Variants in CACNA1B observed in about 807,000 individuals in gnomAD.
CACNA1B encodes voltage-dependent N-type calcium channel subunit alpha-1B.
A neutral mutation model predicts 247.2 loss-of-function variants in CACNA1B; 70 were observed. The ratio of observed to expected loss-of-function variants is 0.28; its 90% confidence interval spans 0.23 to 0.35. The LOEUF (loss-of-function observed/expected upper bound fraction) is 0.35, where lower values mean the gene tolerates loss of function less well. Among genes scored for constraint, CACNA1B ranks in the 10% least tolerant of loss-of-function variants. The probability of loss-of-function intolerance (pLI) is 1.00; values close to 1 mark genes in which losing one functional copy is unlikely to be tolerated. For missense variants in CACNA1B, 2,367 were observed against 3,197.4 expected, an observed-to-expected ratio of 0.74 and a Z score of 6.26; for synonymous variants, 1,231 against 1,294.4, an observed-to-expected ratio of 0.95 and a Z score of 1.05.
chr9:137,881,670 A>C lies in CACNA1B; in HGVS notation c.391-1074A>C, dbSNP rs1033825781. Among the ~76,000 whole-genome samples the C allele has an allele frequency of 2.6e-5, 4 of 152,136 alleles. No individual in the cohort carries two copies. The highest frequency in any genetic ancestry group is 5.9e-5 in the Non-Finnish European group (4 of 67,990). ...CCAGCTTCCCGGGCTTGCCTTGCAC[A>C]GGGCCTTTCCCTGCCAGCCCCACGC... On this transcript the variant is annotated intron_variant, in intron 2 of 46. Transcript: ENST00000371372. The surrounding 1 kb of genome is among the most constrained non-coding windows in gnomAD (Gnocchi z 4.3).
In CACNA1B at chr9:138,023,034, C is replaced by G. The variant is rs1209004890; in HGVS notation, c.2291C>G (p.Ala764Gly). The change falls in exon 19 of 47, where the codon GCG becomes GGG. Residue 764 changes from alanine to glycine, a missense_variant. Ala to Gly is a moderately conservative substitution (Grantham distance 60, BLOSUM62 0). This residue lies in a region of CACNA1B where 631 missense variants were observed against 631.1 expected (regional missense o/e 1.00). Coordinates refer to ENST00000371372, the MANE Select transcript of CACNA1B (RefSeq NM_000718.4). ...IAARQQNSAK[A>G]RSVWEQRASQ... ...AGCAGGCAGCAGAACTCGGCCAAGGCGCGCTCGGTGTGGGAGCAGCGGGCC... is the reference window on the plus strand; with the variant it reads ...AGCAGGCAGCAGAACTCGGCCAAGGGGCGCTCGGTGTGGGAGCAGCGGGCC... The G allele has an allele frequency of 5.9e-6, 9 of 1,519,552 alleles. No individual in the cohort carries two copies. Among genetic ancestry groups the G allele is most frequent in the Non-Finnish European group, 7.9e-6 (9 of 1,140,774 alleles). The allele number at this position is 1,519,552 out of a possible 1,614,324, so 94.1% of individuals were successfully genotyped here. A position where few individuals can be genotyped will look rare whatever the true frequency, so the allele number is the denominator to read the frequency against.
chr9:137,998,707 G>C lies in CACNA1B; in HGVS notation c.1975-8060G>C, dbSNP rs146036170. ...TGATGAAAAGAGGACGCCTCCAGAA[G>C]GAAAACACTGCAGGGCATGAACTTG... On this transcript the variant is annotated intron_variant, in intron 15 of 46. Transcript: ENST00000371372. Among the ~76,000 whole-genome samples, 41 of 152,318 alleles carry C rather than the reference G, an allele frequency of 2.7e-4. No homozygotes were observed. In the East Asian group the frequency reaches 7.9e-3, roughly 29 times the overall value.
intron 12 of CACNA1B, among the ~76,000 whole-genome samples, chr9:137,980,160 A>G (rs1958277580): frequency 6.6e-6 from 1 of 152,218 alleles, no homozygotes; most frequent in Admixed American, 6.5e-5. Flanking sequence ...TGATTCTTTC[A>G]GTCCAAGTTG....
chr9:138,043,450 A>G (rs1959152989), intron 20 of CACNA1B, among the ~76,000 whole-genome samples: 1 of 152,092 alleles, frequency 6.6e-6, no homozygotes, highest in African/African-American at 2.4e-5. Context: ...AGGTCTCACC[A>G]GGCTCTGGGC....
At position 137,973,396 on chromosome 9, in the gene CACNA1B, GGGGCTCATC is replaced by G. The variant is rs1395864047; in HGVS notation, c.1543+1806_1543+1814del. ...CCGCCCAGCCTAGAGCAGCTTTGCA[GGGGCTCATC>G]GTGGGTTCTGTGCACCTCGGCTGTC... On this transcript the variant is annotated intron_variant, in intron 11 of 46. Coordinates refer to ENST00000371372, the MANE Select transcript of CACNA1B (RefSeq NM_000718.4). This position sits in a 1 kb window ranked among gnomAD's most constrained non-coding sequence, Gnocchi z 4.1. Among the ~76,000 whole-genome samples the G allele has an allele frequency of 6.6e-6, 1 of 152,200 alleles. No individual in the cohort carries two copies. The highest frequency in any genetic ancestry group is 2.4e-5 in the African/African-American group (1 of 41,446).
chr9:137,886,248 G>T (rs552567835), intron 3 of CACNA1B, among the ~76,000 whole-genome samples: 1 of 151,456 alleles, frequency 6.6e-6, no homozygotes. Flanking sequence ...ACAGGGGTCC[G>T]GTTGTGTCTG....
chr9:138,019,669 C>A (rs1176447172), intron 18 of CACNA1B, among the ~76,000 whole-genome samples: 7 of 152,228 alleles, frequency 4.6e-5, no homozygotes, highest in African/African-American at 1.7e-4. Flanking sequence ...TGCTTCCTTG[C>A]TGGCAGCCAG....
At position 138,096,535 on chromosome 9, in the gene CACNA1B, C is replaced by T. The variant is rs1302004746; in HGVS notation, c.5146C>T (p.Arg1716Trp). The T allele has an allele frequency of 8.7e-6, 14 of 1,611,494 alleles. No individual in the cohort carries two copies. Among genetic ancestry groups the T allele is most frequent in the African/African-American group, 1.3e-5 (1 of 74,738 alleles). ...VIMDNFEYLT[R>W]DSSILGPHHL... ...CATGGACAATTTTGAGTACCTCACGCGGGACTCTTCCATCCTAGGTCCTCA... is the reference window on the plus strand; with the variant it reads ...CATGGACAATTTTGAGTACCTCACGTGGGACTCTTCCATCCTAGGTCCTCA... The change falls in exon 37 of 47, where the codon CGG becomes TGG. Residue 1716 changes from arginine (R) to tryptophan (W), a missense_variant. This residue lies in a region of CACNA1B where 55 missense variants were observed against 107.8 expected (regional missense o/e 0.51). Transcript: ENST00000371372.
intron 18 of CACNA1B, among the ~76,000 whole-genome samples, chr9:138,017,623 T>G (rs1456793444): frequency 1.3e-5 from 2 of 152,194 alleles, no homozygotes; most frequent in Non-Finnish European, 2.9e-5. Context: ...TGGGTCCTCC[T>G]AGGCCCCTTA....
intron 20 of CACNA1B, among the ~76,000 whole-genome samples, chr9:138,041,981 C>T (rs761090441): frequency 1.8e-4 from 28 of 152,070 alleles, no homozygotes; most frequent in Non-Finnish European, 3.1e-4. Flanking sequence ...AGGATGGTCT[C>T]GTTGCTTGAG....
At position 138,120,742 on chromosome 9, in the gene CACNA1B, C is replaced by T; in HGVS notation, c.6350C>T (p.Pro2117Leu). Residue 2117 changes from proline to leucine, a missense_variant, in exon 46 of 47, where the codon CCC becomes CTC. By Grantham distance (98) the Pro-to-Leu change is moderately conservative (BLOSUM62 -3). Coordinates refer to ENST00000371372, the MANE Select transcript of CACNA1B (RefSeq NM_000718.4). ...GGCCGGTCCCAGGAGCGGAGGCAGC[C>T]CTCATCCTCCTCCTCGGAGAAGCAG... ...ERGRSQERRQ[P>L]SSSSSEKQRF... 1 of 1,546,302 alleles carries T rather than the reference C, an allele frequency of 6.5e-7. No homozygotes were observed. Among genetic ancestry groups the T allele is most frequent in the Non-Finnish European group, 8.7e-7 (1 of 1,146,376 alleles).
intron 39 of CACNA1B, among the ~76,000 whole-genome samples, chr9:138,107,504 C>A (rs2131356485): frequency 6.6e-6 from 1 of 152,100 alleles, no homozygotes; most frequent in Non-Finnish European, 1.5e-5. Flanking sequence ...CTGATTCATG[C>A]CTTCTCTTTC....
chr9:138,119,729 T>C (rs935141184), intron 44 of CACNA1B, among the ~76,000 whole-genome samples: 2 of 152,116 alleles, frequency 1.3e-5, no homozygotes, highest in Admixed American at 1.3e-4. Context: ...TGGGGCCTCC[T>C]CCTTCACACA....
chr9:137,960,462 GA>G (rs1554738997), intron 10 of CACNA1B, among the ~76,000 whole-genome samples: 1 of 104,386 alleles, frequency 9.6e-6, no homozygotes, highest in Non-Finnish European at 1.9e-5. Context: ...CGGCCTGAAT[GA>G]AGGACACCCA....
At position 138,065,110 on chromosome 9, in the gene CACNA1B, C is replaced by T. The variant is rs1029820247; in HGVS notation, c.4669-4648C>T. On this transcript the variant is annotated intron_variant, in intron 31 of 46. Transcript: ENST00000371372. Reference sequence around the variant, plus strand: ...CCCAGCAGCCTGTTAGCACCTGCTTCAGGTGCCCTCGCCAGGGTATTGGAT... The same window carrying T: ...CCCAGCAGCCTGTTAGCACCTGCTTTAGGTGCCCTCGCCAGGGTATTGGAT... Among the ~76,000 whole-genome samples the T allele has an allele frequency of 2.6e-5, 4 of 152,200 alleles. No homozygotes were observed. In the East Asian group the frequency reaches 5.8e-4, roughly 22 times the overall value.
rs753488165 is a variant in CACNA1B at position 138,059,038 on chromosome 9, G to A, written c.4474-41G>A. 5.6e-6 allele frequency: 7 copies of A among 1,254,502 alleles called. No homozygotes were observed. The African/African-American group carries it at 8.8e-5, about 16-fold the overall frequency. The allele number at this position is 1,254,502 out of a possible 1,614,324, so 77.7% of individuals were successfully genotyped here. A position where few individuals can be genotyped will look rare whatever the true frequency, so the allele number is the denominator to read the frequency against. On this transcript the variant is annotated intron_variant, in intron 29 of 46. Coordinates refer to ENST00000371372, the MANE Select transcript of CACNA1B (RefSeq NM_000718.4). This position sits in a 1 kb window ranked among gnomAD's most constrained non-coding sequence, Gnocchi z 4.2. ...GTGGTCCCAGATGGGGTGTCTTGGG[G>A]CTGCCAAACCCATGGCCAACAGTGC...
In CACNA1B at chr9:138,049,229, G is replaced by C. The variant is rs529397064; in HGVS notation, c.3624G>C (p.Leu1208=). The C allele has an allele frequency of 5.0e-6, 8 of 1,612,168 alleles. No homozygotes were observed. The African/African-American group carries it at 8.0e-5, about 16-fold the overall frequency. Residue 1208 remains leucine, a synonymous_variant, in exon 24 of 47, where the codon CTG becomes CTC. Coordinates refer to ENST00000371372, the MANE Select transcript of CACNA1B (RefSeq NM_000718.4). ...MVIKMIDLGL[L]LHPGAYFRDL... Reference sequence around the variant, plus strand: ...CCTAGATGATCGACTTGGGACTGCTGCTTCACCCTGGAGCCTATTTCCGGG... The same window carrying C: ...CCTAGATGATCGACTTGGGACTGCTCCTTCACCCTGGAGCCTATTTCCGGG...
At chr9:137,956,902 T>G in intron 9 of CACNA1B, 75 bp downstream of exon 9, 1 of 1,244,330 alleles carries the variant, frequency 8.0e-7, no homozygotes, top group Non-Finnish European at 1.2e-6. Flanking sequence ...CGTGCCTGCT[T>G]GCATGTTTCA....
At chr9:138,066,614 A>T (rs1210539190) in intron 31 of CACNA1B, among the ~76,000 whole-genome samples, 2 of 152,190 alleles carry the variant, frequency 1.3e-5, no homozygotes, top group African/African-American at 2.4e-5. Flanking sequence ...TACCTTCTCC[A>T]CTTTTAAGGA....
Sources: gnomAD v4.1 joint callset for allele counts (sites outside exome capture counted in the v4.1 genomes callset) on GRCh38, gnomAD v4.1.1 for gene constraint, gnomAD v4.1.1 regional missense constraint, Gnocchi (gnomAD v3.1) non-coding constraint, MANE v1.5 for transcripts, NCBI Gene and HGNC (gene_info 2026-07-23, HGNC 2026-07-21) for gene names.